Variants in TTC29 observed in about 807,000 individuals in gnomAD.
The protein encoded by TTC29 is tetratricopeptide repeat protein 29.
In TTC29, 49 loss-of-function variants were observed where a neutral mutation model predicts 58.1. The observed-to-expected ratio is 0.84, with a 90% CI of 0.67 to 1.07. The LOEUF is 1.07. Ranked by LOEUF, TTC29 falls within the 50% of genes least tolerant of loss-of-function variation. The pLI is 0.00. For synonymous variants in TTC29, 209 were observed against 196.8 expected, an observed-to-expected ratio of 1.06 and a Z score of -0.52; for missense variants, 582 against 555.6, an observed-to-expected ratio of 1.05 and a Z score of -0.48.
intron 11 of TTC29, among the ~76,000 whole-genome samples, chr4:146,752,883 C>A (rs1746131226): frequency 6.6e-6 from 1 of 152,284 alleles, no homozygotes; most frequent in East Asian, 1.9e-4. Flanking sequence ...CTTCCTTATA[C>A]CTTATACAAA....
intron 11 of TTC29, among the ~76,000 whole-genome samples, chr4:146,713,741 T>C (rs1408846862): frequency 1.3e-5 from 2 of 152,086 alleles, no homozygotes; most frequent in African/African-American, 4.8e-5. Context: ...TTCAAAAGTA[T>C]AGGGTTTTTT....
chr4:146,861,939 A>G (rs1445475470), intron 8 of TTC29, among the ~76,000 whole-genome samples: 2 of 152,174 alleles, frequency 1.3e-5, no homozygotes. Context: ...AAAATTGTAT[A>G]TAGAATTAAT....
At chr4:146,899,229 C>T (rs575595986) in intron 6 of TTC29, among the ~76,000 whole-genome samples, 47 of 152,282 alleles carry the variant, frequency 3.1e-4, no homozygotes, top group African/African-American at 1.1e-3. Flanking sequence ...TGCTATTGTT[C>T]CCTGGCCTCA....
At chr4:146,834,920 G>T (rs896004032) in intron 8 of TTC29, among the ~76,000 whole-genome samples, 3 of 152,138 alleles carry the variant, frequency 2.0e-5, no homozygotes, top group Non-Finnish European at 4.4e-5. Context: ...GCAAGTGACT[G>T]CTTGACATAA....
chr4:146,736,292 G>T (rs1744703222), intron 11 of TTC29, among the ~76,000 whole-genome samples: 1 of 151,796 alleles, frequency 6.6e-6, no homozygotes, highest in South Asian at 2.1e-4. Flanking sequence ...AGAAGTTCCT[G>T]GAACTAGGAC....
chr4:146,826,825 C>T (rs1330933023), intron 9 of TTC29, among the ~76,000 whole-genome samples: 1 of 151,716 alleles, frequency 6.6e-6, no homozygotes, highest in African/African-American at 2.4e-5. Flanking sequence ...TCCTTTTCCT[C>T]TATTCTTGTC....
rs1561118081 is a variant in TTC29 at position 146,780,305 on chromosome 4, GTGT to G, written c.1330+23149_1330+23151del. 8.2e-3 allele frequency among the ~76,000 whole-genome samples: 353 copies of G among 43,310 alleles called. 2 individuals are homozygous for G. The highest frequency in any genetic ancestry group is 0.037 in the African/African-American group (325 of 8,676). The allele number at this position is 43,310 out of a possible 152,430, so 28.4% of individuals were successfully genotyped here. ...TGAATGAGTCTTCCTAACTTGGGGT[GTGT>G]GTGTGTGTGTGTGTGTGTGTGTGTG... On this transcript the variant is annotated intron_variant, in intron 11 of 12. Transcript: ENST00000325106.
chr4:146,766,620 T>A (rs925495894), intron 11 of TTC29, among the ~76,000 whole-genome samples: 1 of 152,130 alleles, frequency 6.6e-6, no homozygotes. Context: ...ATTAGTCTCA[T>A]TATTGCTAAA....
At chr4:146,832,314 C>T (rs1728217065) in intron 9 of TTC29, among the ~76,000 whole-genome samples, 1 of 152,128 alleles carries the variant, frequency 6.6e-6, no homozygotes. Flanking sequence ...ATTCAACCAC[C>T]TGTGTCTTCT....
intron 6 of TTC29, among the ~76,000 whole-genome samples, chr4:146,886,669 CCT>C (rs1732004488): frequency 6.6e-6 from 1 of 151,924 alleles, no homozygotes; most frequent in South Asian, 2.1e-4. Flanking sequence ...CTGGGTGAGT[CCT>C]ATATCAGAAG....
At chr4:146,923,734 C>T (rs545589577) in intron 4 of TTC29, among the ~76,000 whole-genome samples, 5 of 151,756 alleles carry the variant, frequency 3.3e-5, no homozygotes, top group Non-Finnish European at 7.4e-5. Flanking sequence ...GAACTTAACA[C>T]AATCCCAATA....
At chr4:146,924,552 T>C (rs1265505729) in intron 4 of TTC29, among the ~76,000 whole-genome samples, 1 of 151,962 alleles carries the variant, frequency 6.6e-6, no homozygotes, top group Non-Finnish European at 1.5e-5. Context: ...GTTTATCTCC[T>C]AGTAACACTT....
In TTC29 at chr4:146,784,088, T is replaced by C. The variant is rs569795568; in HGVS notation, c.1330+19369A>G. On this transcript the variant is annotated intron_variant, in intron 11 of 12. Coordinates refer to ENST00000325106, the MANE Select transcript of TTC29 (RefSeq NM_031956.4). ...TCAGGTATAGTATAGTATATACATA[T>C]ATATACTATATTTACTATGTTTATA... 2.7e-5 allele frequency among the ~76,000 whole-genome samples: 4 copies of C among 150,674 alleles called. No homozygotes were observed. The South Asian group carries it at 8.3e-4, about 31-fold the overall frequency.
intron 9 of TTC29, among the ~76,000 whole-genome samples, chr4:146,826,518 C>A (rs1374356238): frequency 6.6e-6 from 1 of 152,116 alleles, no homozygotes; most frequent in African/African-American, 2.4e-5. Flanking sequence ...GTGACCTGGC[C>A]TTTCTTTCTG....
At chr4:146,943,376 G>A (rs1736608858) in intron 2 of TTC29, among the ~76,000 whole-genome samples, 1 of 151,622 alleles carries the variant, frequency 6.6e-6, no homozygotes, top group South Asian at 2.1e-4. Context: ...ATGGGGGGTG[G>A]TCAGAGCTGA....
intron 4 of TTC29, among the ~76,000 whole-genome samples, chr4:146,928,350 C>CT (rs901248495): frequency 3.3e-5 from 5 of 152,122 alleles, no homozygotes; most frequent in Non-Finnish European, 7.4e-5. Flanking sequence ...CTAATAAATA[C>CT]TTTTTGTGAA....
chr4:146,942,466 G>T, intron 2 of TTC29: 1 of 493,634 alleles, frequency 2.0e-6, no homozygotes, highest in Non-Finnish European at 3.5e-6. Context: ...TTGAGTTACT[G>T]GAATAACAAG....
At chr4:146,721,623 C>T (rs574231193) in intron 11 of TTC29, among the ~76,000 whole-genome samples, 36 of 152,120 alleles carry the variant, frequency 2.4e-4, no homozygotes, top group African/African-American at 8.7e-4. Context: ...CGTTAGATGT[C>T]TACTGAAAGA....
At chr4:146,728,895 G>GTA (rs113308053) in intron 11 of TTC29, among the ~76,000 whole-genome samples, 55,402 of 84,278 alleles carry the variant, frequency 0.66, 22,242 homozygotes, top group Non-Finnish European at 0.81. Context: ...ATGTGTGTAT[G>GTA]TATATATATA....
Sources: allele counts gnomAD v4.1 joint callset (sites outside exome capture counted in the v4.1 genomes callset), GRCh38; gene constraint gnomAD v4.1.1; transcripts MANE v1.5; gene names NCBI Gene and HGNC (gene_info 2026-07-23, HGNC 2026-07-21).